SLC1A6: variants seen among roughly 807,000 people sequenced by gnomAD.
The protein encoded by SLC1A6 is solute carrier family 1 member 6.
A neutral mutation model predicts 42.1 loss-of-function variants in SLC1A6; 15 were observed. That is an observed-to-expected ratio of 0.36 (90% CI 0.24 to 0.55). The LOEUF is 0.55. SLC1A6 is among the 20% of genes least tolerant of loss of function. The pLI is 0.88. For synonymous variants in SLC1A6, 317 were observed against 319.7 expected, an observed-to-expected ratio of 0.99 and a Z score of 0.09; for missense variants, 542 against 772.5, an observed-to-expected ratio of 0.70 and a Z score of 3.54.
intron 4 of SLC1A6, among the ~76,000 whole-genome samples, chr19:14,967,258 G>GGCT (rs1395712960): frequency 1.3e-5 from 2 of 152,144 alleles, no homozygotes; most frequent in African/African-American, 4.8e-5. Flanking sequence ...GCTATGTCCA[G>GGCT]GCTGCGGGAG....
chr19:14,980,209 C>G (rs1329972174), upstream of SLC1A6: 1 of 152,326 alleles, frequency 6.6e-6, no homozygotes, highest in Non-Finnish European at 1.5e-5. Context: ...CTCCGCTAAA[C>G]AAGGAAGATG....
At chr19:14,954,424 G>A in intron 7 of SLC1A6, 95 bp from the exon 8 acceptor site, 1 of 1,125,676 alleles carries the variant, frequency 8.9e-7, no homozygotes, top group Non-Finnish European at 1.3e-6. Context: ...GCAGAGAATG[G>A]GGCGTGGCCG....
At chr19:14,952,893 C>T (rs751637974) in intron 9 of SLC1A6, 35 bp downstream of exon 9, 2 of 1,605,040 alleles carry the variant, frequency 1.2e-6, no homozygotes, top group South Asian at 1.1e-5. Context: ...TGTGCAGAAG[C>T]AGGAGCACCA....
intron 1 of SLC1A6, among the ~76,000 whole-genome samples, chr19:14,996,574 T>TTCTTCTTCTTCTTCTTCTTCC (rs1568301088): frequency 1.3e-5 from 2 of 149,906 alleles, no homozygotes; most frequent in Non-Finnish European, 3.0e-5. Context: ...CTTCTTCCTC[T>TTCTTCTTCTTCTTCTTCTTCC]TCTTCTTCTT....
At chr19:14,998,579 A>T (rs2045857884) in intron 1 of SLC1A6, among the ~76,000 whole-genome samples, 1 of 152,114 alleles carries the variant, frequency 6.6e-6, no homozygotes, top group Non-Finnish European at 1.5e-5. Context: ...AACAACAACA[A>T]AAAAAGCAGA....
chr19:14,995,865 C>T (rs1475242648), intron 1 of SLC1A6, among the ~76,000 whole-genome samples: 1 of 151,928 alleles, frequency 6.6e-6, no homozygotes, highest in Non-Finnish European at 1.5e-5. Flanking sequence ...ACTGGTAGAT[C>T]CAGGAGCTAG....
intron 1 of SLC1A6, 159 bp from the exon 2 acceptor site, chr19:14,973,076 TG>T (rs2045663819): frequency 1.7e-6 from 1 of 603,046 alleles, no homozygotes; most frequent in African/African-American, 1.9e-5. Context: ...CCCAGCACTT[TG>T]GGAGGCAGAG....
chr19:14,993,534 C>T (rs2045831062), intron 1 of SLC1A6, among the ~76,000 whole-genome samples: 1 of 152,152 alleles, frequency 6.6e-6, no homozygotes, highest in East Asian at 1.9e-4. Flanking sequence ...CGGCATTGTA[C>T]TGGGAGGGGA....
At chr19:14,983,687 C>G (rs111408161), upstream of SLC1A6, among the ~76,000 whole-genome samples, 41 of 101,010 alleles carry the variant, frequency 4.1e-4, no homozygotes, top group Middle Eastern at 7.1e-3. Context: ...GATTTTAGCT[C>G]TAAAAAACAA....
At chr19:14,970,301 G>C (rs1398187876) in intron 3 of SLC1A6, among the ~76,000 whole-genome samples, 1 of 151,956 alleles carries the variant, frequency 6.6e-6, no homozygotes, top group African/African-American at 2.4e-5. Flanking sequence ...GAACTCCTGG[G>C]CTCAAGCAAT....
chr19:15,001,626 G>T (rs576866832), intron 1 of SLC1A6, among the ~76,000 whole-genome samples: 1 of 152,230 alleles, frequency 6.6e-6, no homozygotes, highest in African/African-American at 2.4e-5. Context: ...TCACTTCACT[G>T]AACCCACCTA....
In SLC1A6 at chr19:14,955,943, GA is replaced by G. The variant is rs202175929; in HGVS notation, c.1169+532del. On this transcript the variant is annotated intron_variant, in intron 7 of 9. Transcript: ENST00000594383. ...GAGTGAGACTCTGTCTCAAAAAAAA[GA>G]AAAAAAAAATTCTTCCATCTTTTTG... Among the ~76,000 whole-genome samples, 286 of 148,426 alleles carry G rather than the reference GA, an allele frequency of 1.9e-3. 4 individuals carry two copies. The East Asian group carries it at 0.027, about 14-fold the overall frequency.
chr19:14,987,710 T>C (rs1189703348), intron 1 of SLC1A6, among the ~76,000 whole-genome samples: 3 of 152,126 alleles, frequency 2.0e-5, no homozygotes, highest in South Asian at 2.1e-4. Flanking sequence ...CCTGTGCTGT[T>C]TGAAGCCCAG....
chr19:14,957,744 A>T (rs533951622), intron 6 of SLC1A6, among the ~76,000 whole-genome samples: 1 of 152,252 alleles, frequency 6.6e-6, no homozygotes, highest in Non-Finnish European at 1.5e-5. Flanking sequence ...TCAAGTGGTG[A>T]TAACAGCAAA....
upstream of SLC1A6, among the ~76,000 whole-genome samples, chr19:14,983,082 T>G (rs1416390801): frequency 6.6e-6 from 1 of 152,232 alleles, no homozygotes; most frequent in African/African-American, 2.4e-5. Flanking sequence ...CACTAACATG[T>G]ATTTGTGACC....
At chr19:14,961,777 A>G (rs1417614005) in intron 6 of SLC1A6, 1 of 561,948 alleles carries the variant, frequency 1.8e-6, no homozygotes, top group Non-Finnish European at 3.0e-6. Flanking sequence ...CCATGAACTA[A>G]CCAATGCATA....
Position 14,954,319 on chromosome 19 carries a change from G to T in SLC1A6, c.1180C>A (p.Leu394Met). 6.2e-7 allele frequency: 1 copy of T among 1,607,504 alleles called. No homozygotes were observed. Residue 394 changes from leucine (L) to methionine (M), a missense_variant, in exon 8 of 10, where the codon CTG becomes ATG. Coordinates refer to ENST00000594383, the MANE Select transcript of SLC1A6 (RefSeq NM_005071.3). The stretch of plus-strand genomic sequence containing the variant: ...TCCAGGCAGCGGAAGGTGATGGGCA[G>T]CGTTGCCGAGCTGGGGGAAAGAGCC... ...AMGTSSSSAT[L>M]PITFRCLEEG...
At chr19:14,959,864 A>C (rs953434306) in intron 6 of SLC1A6, among the ~76,000 whole-genome samples, 1 of 152,114 alleles carries the variant, frequency 6.6e-6, no homozygotes, top group African/African-American at 2.4e-5. Context: ...TTCACTGCGT[A>C]CCCCTCTACT....
intron 3 of SLC1A6, 54 bp from the exon 4 acceptor site, chr19:14,968,561 C>T (rs983660685): frequency 2.8e-6 from 4 of 1,444,784 alleles, no homozygotes; most frequent in Admixed American, 1.9e-5. Flanking sequence ...AACGCCAGCT[C>T]TCCTAGCATC....
Sources: gnomAD v4.1 joint callset for allele counts (sites outside exome capture counted in the v4.1 genomes callset) on GRCh38, gnomAD v4.1.1 for gene constraint, MANE v1.5 for transcripts, NCBI Gene and HGNC (gene_info 2026-07-23, HGNC 2026-07-21) for gene names.